CDKAL1: variants seen among roughly 807,000 people sequenced by gnomAD.
CDKAL1 encodes CDKAL1 threonylcarbamoyladenosine tRNA methylthiotransferase, also known as threonylcarbamoyladenosine tRNA methylthiotransferase.
CDKAL1 carries 32 observed loss-of-function variants against 68.2 expected under a neutral mutation model. The observed-to-expected ratio is 0.47, with a 90% CI of 0.35 to 0.63. The LOEUF (loss-of-function observed/expected upper bound fraction) is 0.63. Ranked by LOEUF, CDKAL1 falls within the 30% of genes least tolerant of loss-of-function variation. The probability of loss-of-function intolerance (pLI) is 0.00; values close to 1 mark genes in which losing one functional copy is unlikely to be tolerated. For synonymous variants in CDKAL1, 234 were observed against 244.3 expected (o/e 0.96, Z 0.39); for missense variants, 606 against 696.7 (o/e 0.87, Z 1.47).
intron 7 of CDKAL1, among the ~76,000 whole-genome samples, chr6:20,768,118 C>A (rs1774778033): frequency 6.6e-6 from 1 of 152,192 alleles, no homozygotes; most frequent in Admixed American, 6.5e-5. Context: ...TGAAGCTGCA[C>A]TGAAAAGTCA....
chr6:20,730,468 AAAG>A (rs1200313136), intron 5 of CDKAL1, among the ~76,000 whole-genome samples: 2 of 150,090 alleles, frequency 1.3e-5, no homozygotes, highest in African/African-American at 2.4e-5. Flanking sequence ...GAAAGAAAAG[AAAG>A]AAGGAAGGAA....
chr6:20,785,862 G>A (rs1581578062), intron 8 of CDKAL1, among the ~76,000 whole-genome samples: 1 of 152,192 alleles, frequency 6.6e-6, no homozygotes, highest in Admixed American at 6.5e-5. Flanking sequence ...GTAAATTACT[G>A]AAGTTACTAT....
chr6:21,208,511 C>T (rs796762645), intron 15 of CDKAL1, among the ~76,000 whole-genome samples: 9 of 152,258 alleles, frequency 5.9e-5, no homozygotes, highest in African/African-American at 2.2e-4. Context: ...TAATTTCAGA[C>T]AGGTCAGCTA....
At chr6:20,537,079 G>T (rs1237125305) in intron 2 of CDKAL1, among the ~76,000 whole-genome samples, 3 of 151,854 alleles carry the variant, frequency 2.0e-5, no homozygotes, top group African/African-American at 7.3e-5. Context: ...TCGCTCTGTC[G>T]CCCAGGCTGG....
chr6:20,866,484 T>G (rs1367486310), intron 9 of CDKAL1, among the ~76,000 whole-genome samples: 1 of 152,174 alleles, frequency 6.6e-6, no homozygotes. Flanking sequence ...TAAGACCCAT[T>G]TGGGCATAAG....
At chr6:20,583,606 T>A (rs931880252) in intron 4 of CDKAL1, among the ~76,000 whole-genome samples, 1 of 152,094 alleles carries the variant, frequency 6.6e-6, no homozygotes, top group Non-Finnish European at 1.5e-5. Context: ...AACACTTGAA[T>A]GCTGTGAGAG....
intron 10 of CDKAL1, among the ~76,000 whole-genome samples, chr6:20,989,188 C>G (rs1453956419): frequency 6.6e-6 from 1 of 152,120 alleles, no homozygotes; most frequent in Non-Finnish European, 1.5e-5. Flanking sequence ...GAGATGCACT[C>G]AAACTGTTCC....
intron 10 of CDKAL1, among the ~76,000 whole-genome samples, chr6:20,982,780 T>C (rs573243999): frequency 1.2e-4 from 18 of 152,282 alleles, no homozygotes; most frequent in African/African-American, 4.3e-4. Context: ...AAGGGGAATT[T>C]AAAATTACAA....
chr6:21,167,480 G>A (rs1777199155), intron 13 of CDKAL1, among the ~76,000 whole-genome samples: 1 of 152,104 alleles, frequency 6.6e-6, no homozygotes, highest in Non-Finnish European at 1.5e-5. Context: ...TCCAACAATA[G>A]CCACTTAACT....
chr6:21,026,229 G>A (rs748903479), intron 11 of CDKAL1, among the ~76,000 whole-genome samples: 4 of 151,946 alleles, frequency 2.6e-5, no homozygotes, highest in Non-Finnish European at 5.9e-5. Context: ...TACAAACCTG[G>A]TAGAGTCTGG....
chr6:20,939,462 C>T (rs1157722764), intron 9 of CDKAL1, among the ~76,000 whole-genome samples: 1 of 152,144 alleles, frequency 6.6e-6, no homozygotes, highest in African/African-American at 2.4e-5. Context: ...TTTAAGTGAA[C>T]TCAAGTTTGA....
intron 11 of CDKAL1, 77 bp from the exon 12 acceptor site, chr6:21,064,971 G>A (rs1470168774): frequency 4.7e-6 from 4 of 842,386 alleles, no homozygotes; most frequent in African/African-American, 1.8e-5. Flanking sequence ...CCATAAAATT[G>A]TATTTAAAAT....
chr6:21,043,347 T>TTGTGTGTGTG (rs34254730), intron 11 of CDKAL1, among the ~76,000 whole-genome samples: 1 of 150,382 alleles, frequency 6.6e-6, no homozygotes, highest in African/African-American at 2.4e-5. Context: ...GTGTGTGTGT[T>TTGTGTGTGTG]TGTGTGTGTG....
intron 5 of CDKAL1, among the ~76,000 whole-genome samples, chr6:20,737,013 C>A (rs905587870): frequency 6.6e-6 from 1 of 152,168 alleles, no homozygotes; most frequent in South Asian, 2.1e-4. Context: ...TAGAGACTCT[C>A]AACCCTCTTA....
At chr6:20,958,007 A>G (rs1459684586) in intron 10 of CDKAL1, among the ~76,000 whole-genome samples, 2 of 151,804 alleles carry the variant, frequency 1.3e-5, no homozygotes, top group Non-Finnish European at 2.9e-5. Flanking sequence ...CCTTCTTCAT[A>G]AAATAAATTA....
intron 10 of CDKAL1, among the ~76,000 whole-genome samples, chr6:20,980,269 G>T (rs532101849): frequency 9.2e-4 from 139 of 151,650 alleles, no homozygotes; most frequent in Non-Finnish European, 1.5e-3. Context: ...ACGCAGTCTC[G>T]TTCTGTCGCC....
intron 5 of CDKAL1, among the ~76,000 whole-genome samples, chr6:20,685,823 A>C (rs747341787): frequency 1.3e-5 from 2 of 152,206 alleles, no homozygotes; most frequent in Non-Finnish European, 2.9e-5. Flanking sequence ...TTCTGAGTTC[A>C]AGTGATCCTC....
intron 7 of CDKAL1, among the ~76,000 whole-genome samples, chr6:20,770,643 A>T (rs2150362077): frequency 6.6e-6 from 1 of 152,272 alleles, no homozygotes; most frequent in East Asian, 1.9e-4. Flanking sequence ...AAGCCCACAT[A>T]ATTTCTACTT....
At chr6:21,071,063 G>A (rs967942897) in intron 12 of CDKAL1, among the ~76,000 whole-genome samples, 1 of 152,138 alleles carries the variant, frequency 6.6e-6, no homozygotes, top group Non-Finnish European at 1.5e-5. Flanking sequence ...TAGTTAATGT[G>A]TTTTTTAATT....
Sources: gnomAD v4.1 joint callset for allele counts (sites outside exome capture counted in the v4.1 genomes callset) on GRCh38, gnomAD v4.1.1 for gene constraint, MANE v1.5 for transcripts, NCBI Gene and HGNC (gene_info 2026-07-23, HGNC 2026-07-21) for gene names.